Variants in PCDHA2 observed in about 807,000 individuals in gnomAD.
PCDHA2 encodes the protein protocadherin alpha-2.
PCDHA2 carries 58 observed loss-of-function variants against 66.0 expected under a neutral mutation model. The observed-to-expected ratio is 0.88, with a 90% CI of 0.71 to 1.09. The LOEUF (loss-of-function observed/expected upper bound fraction) is 1.09, where lower values mean the gene tolerates loss of function less well. Ranked by LOEUF, PCDHA2 falls within the 50% of genes least tolerant of loss-of-function variation. The pLI, the probability that PCDHA2 is intolerant of heterozygous loss-of-function variation, is 0.00. For missense variants in PCDHA2, 1,267 were observed against 1,242.3 expected (o/e 1.02, Z -0.30); for synonymous variants, 634 against 554.0 (o/e 1.14, Z -2.03).
chr5:140,986,413 C>G (rs2097199513), intron 3 of PCDHA2, among the ~76,000 whole-genome samples: 1 of 152,156 alleles, frequency 6.6e-6, no homozygotes, highest in African/African-American at 2.4e-5. Context: ...TGTTACAGCT[C>G]TTTTTAACTT....
chr5:140,846,187 T>C (rs1336642667), intron 1 of PCDHA2, among the ~76,000 whole-genome samples: 1 of 149,366 alleles, frequency 6.7e-6, no homozygotes, highest in Non-Finnish European at 1.5e-5. Flanking sequence ...GGCGTTTGAG[T>C]TCTTTGTATG....
At chr5:140,874,834 T>C (rs756394440) in intron 1 of PCDHA2, among the ~76,000 whole-genome samples, 17 of 152,260 alleles carry the variant, frequency 1.1e-4, no homozygotes, top group Non-Finnish European at 2.5e-4. Context: ...AAATATTGTT[T>C]GGTATTAGAC....
intron 1 of PCDHA2, chr5:140,861,416 C>A (rs1053647411): frequency 8.4e-6 from 4 of 476,934 alleles, no homozygotes; most frequent in African/African-American, 6.0e-5. Context: ...TGATACCGCG[C>A]CTGTTTCAGT....
rs551685820 is a variant in PCDHA2, at chr5:140,967,997, C to G, written c.2389-10952C>G. On this transcript the variant is annotated intron_variant, in intron 1 of 3. Transcript: ENST00000526136. ...GGGTCTGGAGGCCACACTGCCTTTC[C>G]GACTGAATGGCTTTGGAAACTCCTA... is the stretch of plus-strand genomic sequence containing the variant. The G allele has an allele frequency of 4.3e-6, 7 of 1,614,220 alleles. No individual in the cohort carries two copies. In the African/African-American group the frequency reaches 6.7e-5, roughly 15 times the overall value.
At chr5:140,808,879 A>T (rs782200708) in intron 1 of PCDHA2, 2 of 1,613,212 alleles carry the variant, frequency 1.2e-6, no homozygotes, top group Non-Finnish European at 1.7e-6. Context: ...ACGCGCCAGC[A>T]CTGCTAGCGC....
intron 1 of PCDHA2, chr5:140,857,107 T>C (rs1206126233): frequency 6.3e-7 from 1 of 1,597,628 alleles, no homozygotes; most frequent in Non-Finnish European, 8.6e-7. Flanking sequence ...TTGTCACTTC[T>C]CTGTCTCTCC....
intron 1 of PCDHA2, chr5:140,836,038 A>T: frequency 1.2e-6 from 2 of 1,613,428 alleles, no homozygotes; most frequent in Non-Finnish European, 1.7e-6. Flanking sequence ...GTGACGCTGC[A>T]GGTGTTCGTG....
chr5:140,920,360 C>T (rs1049389066), intron 1 of PCDHA2, among the ~76,000 whole-genome samples: 2 of 151,950 alleles, frequency 1.3e-5, no homozygotes, highest in Non-Finnish European at 2.9e-5. Context: ...TAGTTCTATT[C>T]ATTTATTCTT....
At chr5:140,948,764 G>T (rs962710607) in intron 1 of PCDHA2, among the ~76,000 whole-genome samples, 1 of 150,728 alleles carries the variant, frequency 6.6e-6, no homozygotes, top group African/African-American at 2.4e-5. Flanking sequence ...GATTTTTTTC[G>T]AATAGCCAGC....
intron 1 of PCDHA2, chr5:140,968,494 C>G (rs782064203): frequency 1.2e-6 from 2 of 1,614,096 alleles, no homozygotes; most frequent in South Asian, 2.2e-5. Flanking sequence ...ATGACCATGC[C>G]CCTCACATTC....
In PCDHA2 at chr5:140,841,967, G is replaced by T. The variant is rs1270523059; in HGVS notation, c.2388+44615G>T. On this transcript the variant is annotated intron_variant, in intron 1 of 3. Coordinates refer to ENST00000526136, the MANE Select transcript of PCDHA2 (RefSeq NM_018905.3). Reference sequence around the variant, plus strand: ...GCACCACTTATTCCTGACAGCCACAGATGGGGGCAAACCTGAGCTCACAGG... The same window carrying T: ...GCACCACTTATTCCTGACAGCCACATATGGGGGCAAACCTGAGCTCACAGG... The T allele has an allele frequency of 4.3e-6, 7 of 1,613,816 alleles. No homozygotes were observed. The Admixed American group carries it at 1.2e-4, about 27-fold the overall frequency.
rs369919324 is a variant in PCDHA2 at position 140,857,387 on chromosome 5, G to T, written c.2388+60035G>T. 3.0e-5 allele frequency: 48 copies of T among 1,598,472 alleles called. 4 individuals carry two copies. The highest frequency in any genetic ancestry group is 3.3e-5 in the Non-Finnish European group (38 of 1,167,956). ...CAGCGTGTCTGTGGAGGTGGCCGAC[G>T]TGAACGACAACGCGCCTGCGTTCGC... is the stretch of plus-strand genomic sequence containing the variant. On this transcript the variant is annotated intron_variant, in intron 1 of 3. Transcript: ENST00000526136.
chr5:140,955,452 G>C (rs921510611), intron 1 of PCDHA2, among the ~76,000 whole-genome samples: 3 of 152,024 alleles, frequency 2.0e-5, no homozygotes, highest in Non-Finnish European at 4.4e-5. Context: ...TTTTATAAGG[G>C]CTTTTTCCTT....
chr5:140,877,411 C>T (rs781874450), intron 1 of PCDHA2: 75 of 1,613,818 alleles, frequency 4.6e-5, no homozygotes, highest in Non-Finnish European at 6.0e-5. Context: ...GCGCCACCGC[C>T]TGCTGGTGCT....
rs2150155775 is a variant in PCDHA2, at chr5:140,828,477, A to T, written c.2388+31125A>T. The T allele has an allele frequency of 1.4e-5, 22 of 1,613,890 alleles. No homozygotes were observed. The South Asian group carries it at 2.4e-4, about 18-fold the overall frequency. ...GTGGAGGTGAGGGACATTAACGACAACCCGCCCTTGTTCCCGGTAGAGGAA... is the reference window on the plus strand; with the variant it reads ...GTGGAGGTGAGGGACATTAACGACATCCCGCCCTTGTTCCCGGTAGAGGAA... On this transcript the variant is annotated intron_variant, in intron 1 of 3. Coordinates refer to ENST00000526136, the MANE Select transcript of PCDHA2 (RefSeq NM_018905.3).
intron 1 of PCDHA2, among the ~76,000 whole-genome samples, chr5:140,953,010 G>C (rs116014174): frequency 0.016 from 2,468 of 152,152 alleles, 61 homozygotes; most frequent in African/African-American, 0.055. Flanking sequence ...ACTATTATGA[G>C]AACAACATTA....
chr5:140,882,602 A>G lies in PCDHA2; in HGVS notation c.2388+85250A>G, dbSNP rs782347582. 1.9e-6 allele frequency: 3 copies of G among 1,614,276 alleles called. No homozygotes were observed. In the South Asian group the frequency reaches 3.3e-5, roughly 18 times the overall value. ...CATCCACCTGGAGGTGATCGTGGAC[A>G]GGCCTCTGCAGGTTTTCCATGTGGA... On this transcript the variant is annotated intron_variant, in intron 1 of 3. Coordinates refer to ENST00000526136, the MANE Select transcript of PCDHA2 (RefSeq NM_018905.3).
rs189761790 is a variant in PCDHA2, at chr5:140,799,286, A to G, written c.2388+1934A>G. 3.0e-3 allele frequency among the ~76,000 whole-genome samples: 457 copies of G among 152,230 alleles called. 4 individuals carry two copies. Among genetic ancestry groups the G allele is most frequent in the Middle Eastern group, 0.014 (4 of 294 alleles). ...ACTCTGCTATAAATTCTCATGTGAC[A>G]TTCCATTTTGCAATTAGTATAACTC... On this transcript the variant is annotated intron_variant, in intron 1 of 3. Transcript: ENST00000526136.
chr5:140,817,612 A>T (rs924358781), intron 1 of PCDHA2: 1 of 152,206 alleles, frequency 6.6e-6, no homozygotes, highest in Admixed American at 6.5e-5. Context: ...TAAGACCTTG[A>T]ATCATTATAC....
Sources: gnomAD v4.1 joint callset for allele counts (sites outside exome capture counted in the v4.1 genomes callset) on GRCh38, gnomAD v4.1.1 for gene constraint, MANE v1.5 for transcripts, NCBI Gene and HGNC (gene_info 2026-07-23, HGNC 2026-07-21) for gene names.